The following CASK variants were observed in gnomAD, a reference collection of about 807,000 sequenced individuals.
CASK encodes peripheral plasma membrane protein CASK.
CASK carries 4 observed loss-of-function variants against 82.9 expected under a neutral mutation model. That is an observed-to-expected ratio of 0.05 (90% CI 0.02 to 0.11). The LOEUF is 0.11. Among genes scored for constraint, CASK ranks in the 10% least tolerant of loss-of-function variants. The probability of loss-of-function intolerance (pLI) is 1.00; values close to 1 mark genes in which losing one functional copy is unlikely to be tolerated. For missense variants in CASK, 358 were observed against 720.9 expected, an observed-to-expected ratio of 0.50 and a Z score of 5.76; for synonymous variants, 259 against 253.5, an observed-to-expected ratio of 1.02 and a Z score of -0.20.
intron 5 of CASK, among the ~76,000 whole-genome samples, chrX:41,710,081 TTGTGTGTGTGTGTGTGTG>T (rs57963407): frequency 1.9e-4 from 14 of 72,176 alleles, no homozygotes; most frequent in Admixed American, 1.0e-3. Context: ...GGTATAGATT[TTGTGTGTGTGTGTGTGTG>T]TGTGTGTGTG....
At chrX:41,702,327 G>A (rs1384045978) in intron 5 of CASK, among the ~76,000 whole-genome samples, 1 of 110,802 alleles carries the variant, frequency 9.0e-6, no homozygotes, top group Non-Finnish European at 1.9e-5. Context: ...GGAGGTTGTG[G>A]TGAGCTGAGA....
chrX:41,691,754 C>CTTGAACTCGGGAGGCTGAGGCAGGAGAAT (rs2067565773), intron 5 of CASK, among the ~76,000 whole-genome samples: 1 of 97,598 alleles, frequency 1.0e-5, no homozygotes, highest in Non-Finnish European at 2.0e-5. Flanking sequence ...GGCAGGAGAA[C>CTTGAACTCGGGAGGCTGAGGCAGGAGAAT]TGCTTGAACT....
intron 2 of CASK, among the ~76,000 whole-genome samples, chrX:41,802,020 A>G (rs1050279701): frequency 6.3e-5 from 7 of 111,089 alleles, no homozygotes; most frequent in African/African-American, 2.3e-4. Context: ...CAGATAACGG[A>G]TATCCATAAG....
chrX:41,592,388 T>C (rs762570815), intron 12 of CASK, among the ~76,000 whole-genome samples: 93 of 111,577 alleles, frequency 8.3e-4, no homozygotes, highest in African/African-American at 3.0e-3. Context: ...TTTTCAACTA[T>C]GATTATGGTT....
intron 21 of CASK, among the ~76,000 whole-genome samples, chrX:41,546,792 G>T (rs1452699477): frequency 1.8e-5 from 2 of 111,501 alleles, no homozygotes; most frequent in African/African-American, 6.5e-5. Context: ...TTTAATAAAG[G>T]CTTTGTAAAT....
intron 25 of CASK, among the ~76,000 whole-genome samples, chrX:41,526,161 T>C (rs2064709104): frequency 9.0e-6 from 1 of 111,667 alleles, no homozygotes; most frequent in Admixed American, 9.6e-5. Context: ...TAGGCCTTTT[T>C]TCCTTCCTTC....
At chrX:41,615,641 C>CA (rs959087281) in intron 11 of CASK, among the ~76,000 whole-genome samples, 2 of 105,723 alleles carry the variant, frequency 1.9e-5, no homozygotes, top group African/African-American at 3.4e-5. Flanking sequence ...TTTTTTTTTT[C>CA]TTTTTTTTTG....
Position 41,922,971 on chromosome X carries a change from C to G in CASK, c.18G>C (p.Val6=). The G allele has an allele frequency of 8.3e-7, 1 of 1,211,137 alleles. No individual in the cohort carries two copies. Among genetic ancestry groups the G allele is most frequent in the Non-Finnish European group, 1.1e-6 (1 of 894,981 alleles). Residue 6 remains valine, a synonymous_variant, in exon 1 of 27, where the codon GTG becomes GTC. Coordinates refer to ENST00000378163, the MANE Select transcript of CASK (RefSeq NM_001367721.1). ...ACAGCTCGTACACATCCTCGAACAG[C>G]ACGTCGTCGTCGGCCATGGTCCGGA... MADDD[V]LFEDVYELCE...
At chrX:41,887,592 G>A (rs771270260) in intron 1 of CASK, among the ~76,000 whole-genome samples, 76 of 110,920 alleles carry the variant, frequency 6.9e-4, no homozygotes, top group African/African-American at 2.3e-3. Flanking sequence ...CTGAAATCAG[G>A]ACCATTTTAC....
At chrX:41,698,846 A>T (rs746419352) in intron 5 of CASK, among the ~76,000 whole-genome samples, 1 of 111,816 alleles carries the variant, frequency 8.9e-6, no homozygotes, top group South Asian at 3.7e-4. Flanking sequence ...TGAGAAATCA[A>T]TGTGAATGAC....
At chrX:41,747,550 T>C (rs1291394252) in intron 3 of CASK, among the ~76,000 whole-genome samples, 1 of 111,726 alleles carries the variant, frequency 9.0e-6, no homozygotes, top group Non-Finnish European at 1.9e-5. Flanking sequence ...GCCATTCTCC[T>C]GCCCCAGCCT....
chrX:41,788,571 C>T (rs1231572277), intron 2 of CASK, among the ~76,000 whole-genome samples: 2 of 111,552 alleles, frequency 1.8e-5, no homozygotes, highest in Non-Finnish European at 3.8e-5. Flanking sequence ...GTCAACAGAG[C>T]AATGATCGTA....
intron 1 of CASK, among the ~76,000 whole-genome samples, chrX:41,872,752 C>T (rs2071727613): frequency 1.8e-5 from 2 of 110,403 alleles, no homozygotes; most frequent in Non-Finnish European, 3.8e-5. Context: ...CCTAAATGCC[C>T]TTTTTCTGCT....
At chrX:41,785,002 C>CTTTTTT (rs368185380) in intron 3 of CASK, among the ~76,000 whole-genome samples, 2 of 74,857 alleles carry the variant, frequency 2.7e-5, no homozygotes, top group African/African-American at 4.7e-5. Flanking sequence ...TTTCAAAATT[C>CTTTTTT]TTTTTTTTTT....
intron 12 of CASK, among the ~76,000 whole-genome samples, chrX:41,596,194 C>CA (rs146680841): frequency 0.37 from 22,621 of 61,284 alleles, 3,148 homozygotes; most frequent in Middle Eastern, 0.49. Context: ...GACTCTGTCT[C>CA]AAAAAAAAAA....
chrX:41,837,105 T>A (rs2070939980), intron 2 of CASK, among the ~76,000 whole-genome samples: 1 of 112,127 alleles, frequency 8.9e-6, no homozygotes, highest in South Asian at 3.7e-4. Flanking sequence ...GGGCTAATTA[T>A]CTCTTTCATG....
intron 1 of CASK, among the ~76,000 whole-genome samples, chrX:41,915,650 C>T (rs908496843): frequency 9.2e-6 from 1 of 109,126 alleles, no homozygotes; most frequent in Non-Finnish European, 1.9e-5. Flanking sequence ...GATCACCTGA[C>T]GTCAGGAGTT....
At chrX:41,918,101 C>T (rs982210629) in intron 1 of CASK, among the ~76,000 whole-genome samples, 1 of 112,207 alleles carries the variant, frequency 8.9e-6, no homozygotes. Flanking sequence ...TTCAGGCAAA[C>T]ACTTGATCTT....
chrX:41,544,065 T>C (rs2064984207), intron 21 of CASK, among the ~76,000 whole-genome samples: 1 of 112,420 alleles, frequency 8.9e-6, no homozygotes, highest in African/African-American at 3.2e-5. Flanking sequence ...TTCAGTTGTC[T>C]TTTTCTCATA....
Sources: gnomAD v4.1 joint callset for allele counts (sites outside exome capture counted in the v4.1 genomes callset) on GRCh38, gnomAD v4.1.1 for gene constraint, MANE v1.5 for transcripts, NCBI Gene and HGNC (gene_info 2026-07-23, HGNC 2026-07-21) for gene names.